Variants in WDR19 observed in about 807,000 individuals in gnomAD.
WDR19 encodes WD repeat domain 19, also known as WD repeat-containing protein 19.
A neutral mutation model predicts 180.0 loss-of-function variants in WDR19; 121 were observed. The observed-to-expected ratio is 0.67, with a 90% CI of 0.58 to 0.78. The LOEUF is 0.78. Ranked by LOEUF, WDR19 falls within the 30% of genes least tolerant of loss-of-function variation. The probability of loss-of-function intolerance (pLI) is 0.00; values close to 1 mark genes in which losing one functional copy is unlikely to be tolerated. For synonymous variants in WDR19, 497 were observed against 540.7 expected (o/e 0.92, Z 1.12); for missense variants, 1,450 against 1,640.7 (o/e 0.88, Z 2.01).
rs1264627261 is a variant in WDR19 at position 39,272,352 on chromosome 4, C to T, written c.3484-628C>T. Among the ~76,000 whole-genome samples, 3 of 152,322 alleles carry T rather than the reference C, an allele frequency of 2.0e-5. No individual in the cohort carries two copies. The East Asian group carries it at 5.8e-4, about 29-fold the overall frequency. On this transcript the variant is annotated intron_variant, in intron 31 of 36. Transcript: ENST00000399820. ...TTTCTCTGGCCCCAAGGGTTGGCAT[C>T]ATTCCACACTCTCACCAAGTATCCT...
In WDR19 at chr4:39,231,847, G is replaced by T; in HGVS notation, c.2033G>T (p.Trp678Leu). Residue 678 changes from tryptophan (W) to leucine (L), a missense_variant, in exon 18 of 37, where the codon TGG becomes TTG. By Grantham distance (61) the Trp-to-Leu change is moderately conservative. Transcript: ENST00000399820. ...MCRILNDEAA[W>L]NELARACLHH... is the part of the protein sequence containing the mutation. Reference sequence around the variant, plus strand: ...AGGATTCTGAATGATGAGGCTGCCTGGAATGAGTTGGCCAGAGCTTGTCTA... The same window carrying T: ...AGGATTCTGAATGATGAGGCTGCCTTGAATGAGTTGGCCAGAGCTTGTCTA... The T allele has an allele frequency of 6.2e-7, 1 of 1,605,838 alleles. No homozygotes were observed. Among genetic ancestry groups the T allele is most frequent in the Non-Finnish European group, 8.5e-7 (1 of 1,173,252 alleles).
chr4:39,249,874 G>C (rs1423799305), intron 24 of WDR19, among the ~76,000 whole-genome samples: 2 of 152,034 alleles, frequency 1.3e-5, no homozygotes, highest in Non-Finnish European at 2.9e-5. Flanking sequence ...ACCAAAAAAA[G>C]TCCAGGACCA....
intron 14 of WDR19, among the ~76,000 whole-genome samples, chr4:39,219,498 T>C (rs535641780): frequency 8.5e-5 from 13 of 152,208 alleles, no homozygotes; most frequent in Non-Finnish European, 1.8e-4. Flanking sequence ...TTTTAAGCAA[T>C]TTTGATGGCC....
chr4:39,244,138 A>G, intron 21 of WDR19, 110 bp from the exon 22 acceptor site: 1 of 1,283,430 alleles, frequency 7.8e-7, no homozygotes, highest in Non-Finnish European at 1.0e-6. Flanking sequence ...GAAAAGATAA[A>G]AGTAAACCAT....
chr4:39,191,859 A>G (rs1449113801), intron 4 of WDR19, among the ~76,000 whole-genome samples: 1 of 152,308 alleles, frequency 6.6e-6, no homozygotes, highest in East Asian at 1.9e-4. Flanking sequence ...TAACCTGTAC[A>G]TTTCCCTAGC....
intron 21 of WDR19, among the ~76,000 whole-genome samples, chr4:39,243,171 C>T (rs1172123307): frequency 6.6e-6 from 1 of 152,102 alleles, no homozygotes; most frequent in Non-Finnish European, 1.5e-5. Context: ...TCTTTAGCTA[C>T]CTATGATAGT....
At chr4:39,267,274 C>G (rs749905966) in intron 29 of WDR19, among the ~76,000 whole-genome samples, 7 of 152,142 alleles carry the variant, frequency 4.6e-5, no homozygotes, top group Non-Finnish European at 1.0e-4. Context: ...ACTCAAGTCA[C>G]TGATTGGAAA....
At chr4:39,194,402 G>A (rs1382530891) in intron 4 of WDR19, 142 bp from the exon 5 acceptor site, 2 of 519,900 alleles carry the variant, frequency 3.8e-6, no homozygotes, top group South Asian at 3.8e-5. Flanking sequence ...TTAGCATTTA[G>A]TCTTTGTCCT....
chr4:39,217,082 T>C lies in WDR19; in HGVS notation c.1250-52T>C, dbSNP rs528072715. Reference sequence around the variant, plus strand: ...TTTTAAAATTATTTGCAAGTAGGTATGAGATAGTTTTACCAACATTTTAAT... The same window carrying C: ...TTTTAAAATTATTTGCAAGTAGGTACGAGATAGTTTTACCAACATTTTAAT... On this transcript the variant is annotated intron_variant, in intron 12 of 36. Coordinates refer to ENST00000399820, the MANE Select transcript of WDR19 (RefSeq NM_025132.4). 3.9e-5 allele frequency: 49 copies of C among 1,255,436 alleles called. No individual in the cohort carries two copies. In the East Asian group the frequency reaches 1.2e-3, roughly 32 times the overall value. 77.8% of individuals were successfully genotyped at this position (1,255,436 alleles called of 1,614,324 possible). A position where few individuals can be genotyped will look rare whatever the true frequency, so the allele number is the denominator to read the frequency against.
intron 14 of WDR19, among the ~76,000 whole-genome samples, chr4:39,221,857 T>G (rs754556402): frequency 5.3e-5 from 8 of 152,232 alleles, no homozygotes; most frequent in Non-Finnish European, 1.2e-4. Flanking sequence ...TTCATTTCTT[T>G]TTATTGCTGA....
In WDR19 at chr4:39,205,639, G is replaced by A. The variant is rs1727868851; in HGVS notation, c.793G>A (p.Gly265Ser). The A allele has an allele frequency of 2.5e-6, 4 of 1,612,850 alleles. No individual in the cohort carries two copies. Among genetic ancestry groups the A allele is most frequent in the African/African-American group, 2.7e-5 (2 of 74,858 alleles). The change falls in exon 9 of 37, where the codon GGT (glycine) becomes AGT (serine). Residue 265 changes from glycine to serine, a missense_variant. By Grantham distance (56) the Gly-to-Ser change is moderately conservative (BLOSUM62 0). Transcript: ENST00000399820. ...VVISTHTGEL[G>S]QEIFQARNHK... is the part of the protein sequence containing the mutation. ...CATTTCTACTCATACTGGAGAGCTT[G>A]GTCAAGAGATATTTCAGGCTCGTAA...
Position 39,218,017 on chromosome 4 carries a change from G to A in WDR19, c.1391G>A (p.Arg464His), listed in dbSNP as rs369201153. 67 of 1,613,758 alleles carry A rather than the reference G, an allele frequency of 4.2e-5. No homozygotes were observed. Among genetic ancestry groups the A allele is most frequent in the African/African-American group, 9.3e-5 (7 of 74,916 alleles). The change falls in exon 14 of 37, where the codon CGT (arginine) becomes CAT (histidine). Residue 464 changes from arginine (R) to histidine (H), a missense_variant. By Grantham distance (29) the Arg-to-His change is conservative. Coordinates refer to ENST00000399820, the MANE Select transcript of WDR19 (RefSeq NM_025132.4). ...GAAATCTTGGATGCTCAAGAAGAAC[G>A]TGAGACTCGGCTTTTCCCAGCAGTG... ...ESEILDAQEE[R>H]ETRLFPAVDD...
rs1578026015 is a variant in WDR19, at chr4:39,264,442, T to G, written c.3184-1621T>G. On this transcript the variant is annotated intron_variant, in intron 28 of 36. Transcript: ENST00000399820. ...GACGATGACCACAGGCAGGGCAGTG[T>G]GCAGAAATCCTGCAGCCTGAGAGCC... is the stretch of plus-strand genomic sequence containing the variant. 2.0e-5 allele frequency among the ~76,000 whole-genome samples: 3 copies of G among 152,344 alleles called. No homozygotes were observed. In the East Asian group the frequency reaches 5.8e-4, roughly 29 times the overall value.
chr4:39,225,038 G>T lies in WDR19; in HGVS notation c.1629+5G>T. 6.5e-7 allele frequency: 1 copy of T among 1,528,980 alleles called. No individual in the cohort carries two copies. The highest frequency in any genetic ancestry group is 8.8e-7 in the Non-Finnish European group (1 of 1,139,740). The allele number at this position is 1,528,980 out of a possible 1,614,324, so 94.7% of individuals were successfully genotyped here. ...GATGGATTTGTTTACTGTCCAGTAAGTCTGGAACATTTTTAAATGTTTATT... is the reference window on the plus strand; with the variant it reads ...GATGGATTTGTTTACTGTCCAGTAATTCTGGAACATTTTTAAATGTTTATT... On this transcript the variant is annotated splice_donor_5th_base_variant and intron_variant, in intron 15 of 36. Transcript: ENST00000399820.
chr4:39,257,220 T>C (rs1429338861), intron 27 of WDR19, among the ~76,000 whole-genome samples: 1 of 152,172 alleles, frequency 6.6e-6, no homozygotes, highest in Non-Finnish European at 1.5e-5. Flanking sequence ...TGAAAATAAT[T>C]AAATCTTCCT....
At position 39,245,359 on chromosome 4, in the gene WDR19, AC is replaced by A. The variant is rs1050081495; in HGVS notation, c.2646-8del. The A allele has an allele frequency of 6.2e-7, 1 of 1,611,844 alleles. No homozygotes were observed. Among genetic ancestry groups the A allele is most frequent in the Non-Finnish European group, 8.5e-7 (1 of 1,178,936 alleles). ...GTACTCATACTGTTCTCCTGGACCT[AC>A]CTTTCCAGGGCAAAAGTTGGTGATC... On this transcript the variant is annotated splice_polypyrimidine_tract_variant and intron_variant, in intron 23 of 36. Coordinates refer to ENST00000399820, the MANE Select transcript of WDR19 (RefSeq NM_025132.4).
chr4:39,188,315 A>G (rs1725778281), intron 3 of WDR19, among the ~76,000 whole-genome samples: 1 of 152,176 alleles, frequency 6.6e-6, no homozygotes, highest in Non-Finnish European at 1.5e-5. Flanking sequence ...TTTATAATAT[A>G]CATTTTGGAA....
In WDR19 at chr4:39,237,067, T is replaced by G. The variant is rs1391876488; in HGVS notation, c.2363+2192T>G. On this transcript the variant is annotated intron_variant, in intron 20 of 36. Transcript: ENST00000399820. ...TAATGACAACCAATTTCTTTTGACATTTATTATGATATATTCCAACATTCA... is the reference window on the plus strand; with the variant it reads ...TAATGACAACCAATTTCTTTTGACAGTTATTATGATATATTCCAACATTCA... Among the ~76,000 whole-genome samples the G allele has an allele frequency of 2.6e-5, 4 of 152,228 alleles. 1 individual carries two copies. Among genetic ancestry groups the G allele is most frequent in the African/African-American group, 9.6e-5 (4 of 41,464 alleles).
intron 24 of WDR19, among the ~76,000 whole-genome samples, chr4:39,246,827 G>A (rs1408857099): frequency 6.6e-6 from 1 of 152,258 alleles, no homozygotes; most frequent in Non-Finnish European, 1.5e-5. Context: ...CCATTGCTGA[G>A]GCTTGAGTAG....
Sources: gnomAD v4.1 joint callset for allele counts (sites outside exome capture counted in the v4.1 genomes callset) on GRCh38, gnomAD v4.1.1 for gene constraint, MANE v1.5 for transcripts, NCBI Gene and HGNC (gene_info 2026-07-23, HGNC 2026-07-21) for gene names.